The following CDH13 variants were observed in gnomAD, a reference collection of about 807,000 sequenced individuals.
CDH13 encodes the protein cadherin-13.
CDH13 carries 24 observed loss-of-function variants against 63.8 expected under a neutral mutation model. That is an observed-to-expected ratio of 0.38 (90% confidence interval 0.27 to 0.53). CDH13 has a LOEUF of 0.53. CDH13 is among the 20% of genes least tolerant of loss of function. The pLI, the probability that CDH13 is intolerant of heterozygous loss-of-function variation, is 0.85. For synonymous variants in CDH13, 503 were observed against 355.3 expected, an observed-to-expected ratio of 1.42 and a Z score of -4.67; for missense variants, 1,049 against 903.1, an observed-to-expected ratio of 1.16 and a Z score of -2.07.
intron 1 of CDH13, among the ~76,000 whole-genome samples, chr16:82,753,203 C>T (rs978597282): frequency 6.6e-6 from 1 of 152,138 alleles, no homozygotes; most frequent in African/African-American, 2.4e-5. Flanking sequence ...GGAGACAGGT[C>T]GTGGTACAGA....
intron 1 of CDH13, among the ~76,000 whole-genome samples, chr16:82,763,301 C>T (rs1321167496): frequency 1.3e-5 from 2 of 152,230 alleles, no homozygotes; most frequent in Non-Finnish European, 2.9e-5. Flanking sequence ...TTTGCTTTTT[C>T]TTCACAGCAC....
rs1198115608 is a variant in CDH13 at position 83,014,742 on chromosome 16, A to AT, written c.158-17268_158-17267insT. Among the ~76,000 whole-genome samples the AT allele has an allele frequency of 5.0e-3, 147 of 29,594 alleles. 2 individuals are homozygous for AT. The highest frequency in any genetic ancestry group is 7.9e-3 in the Non-Finnish European group (107 of 13,566). The allele number at this position is 29,594 out of a possible 152,430, so 19.4% of individuals were successfully genotyped here. On this transcript the variant is annotated intron_variant, in intron 2 of 13. Coordinates refer to ENST00000567109, the MANE Select transcript of CDH13 (RefSeq NM_001257.5). The stretch of plus-strand genomic sequence containing the variant: ...GGAGACTCCATCTAAAAAAAAAAAA[A>AT]AATATATATATATATATATATATAT...
chr16:83,769,672 TG>T, intron 11 of CDH13, among the ~76,000 whole-genome samples: 1 of 152,278 alleles, frequency 6.6e-6, no homozygotes, highest in South Asian at 2.1e-4. Flanking sequence ...AGTGGCCAAG[TG>T]GGCGTGTTTT....
At position 82,644,557 on chromosome 16, in the gene CDH13, G is replaced by C. The variant is rs1035159953; in HGVS notation, c.45+17420G>C. Among the ~76,000 whole-genome samples, 1 of 152,170 alleles carries C rather than the reference G, an allele frequency of 6.6e-6. No individual in the cohort carries two copies. The highest frequency in any genetic ancestry group is 6.5e-5 in the Admixed American group (1 of 15,276). Reference sequence around the variant, plus strand: ...TCCCCAGACCAGGCCCAGTGCACGAGTTTGGGTGCTGGAAGGGGAGGCTTT... The same window carrying C: ...TCCCCAGACCAGGCCCAGTGCACGACTTTGGGTGCTGGAAGGGGAGGCTTT... On this transcript the variant is annotated intron_variant, in intron 1 of 13. Transcript: ENST00000567109. The surrounding 1 kb of genome is among the most constrained non-coding windows in gnomAD (Gnocchi z 5.7).
intron 3 of CDH13, among the ~76,000 whole-genome samples, chr16:83,062,955 G>C (rs1288957828): frequency 7.1e-6 from 1 of 141,252 alleles, no homozygotes; most frequent in Admixed American, 7.1e-5. Flanking sequence ...CTTATGTGGT[G>C]GTTGGCATTT....
At chr16:83,214,579 C>CAAAAAAAAAAAAA (rs751124100) in intron 4 of CDH13, among the ~76,000 whole-genome samples, 1 of 39,792 alleles carries the variant, frequency 2.5e-5, no homozygotes, top group African/African-American at 8.8e-5. Context: ...GACTCTGTCT[C>CAAAAAAAAAAAAA]AAAAAAAAAA....
intron 2 of CDH13, among the ~76,000 whole-genome samples, chr16:82,863,116 G>T (rs539413726): frequency 1.3e-5 from 2 of 152,248 alleles, no homozygotes; most frequent in Admixed American, 6.5e-5. Context: ...TCTCTACAAA[G>T]ATCCTAACAA....
chr16:82,663,604 A>G (rs1307561170), intron 1 of CDH13, among the ~76,000 whole-genome samples: 2 of 152,178 alleles, frequency 1.3e-5, no homozygotes, highest in Non-Finnish European at 2.9e-5. Context: ...TTTGTCTAAA[A>G]AGTTCAAAAG....
chr16:82,851,080 G>T (rs1359864480), intron 1 of CDH13, among the ~76,000 whole-genome samples: 1 of 152,158 alleles, frequency 6.6e-6, no homozygotes, highest in Non-Finnish European at 1.5e-5. Flanking sequence ...AGTTTGAGGA[G>T]AATATGTTGG....
chr16:83,763,969 C>T (rs3784996), intron 11 of CDH13, among the ~76,000 whole-genome samples: 41,509 of 151,912 alleles, frequency 0.27, 6,013 homozygotes, highest in Non-Finnish European at 0.33. Flanking sequence ...CAATGATAGC[C>T]GAGAGACTTA....
At chr16:83,002,215 G>A (rs1209504480) in intron 2 of CDH13, among the ~76,000 whole-genome samples, 1 of 152,192 alleles carries the variant, frequency 6.6e-6, no homozygotes, top group African/African-American at 2.4e-5. Flanking sequence ...AGAGGAGCCT[G>A]GATTATCTGG....
chr16:83,091,540 G>C (rs1158858648), intron 3 of CDH13, among the ~76,000 whole-genome samples: 1 of 152,194 alleles, frequency 6.6e-6, no homozygotes, highest in Non-Finnish European at 1.5e-5. Flanking sequence ...GGAGGGTACT[G>C]AAATGAGCTC....
intron 1 of CDH13, among the ~76,000 whole-genome samples, chr16:82,741,805 T>C (rs1362559719): frequency 6.6e-6 from 1 of 152,194 alleles, no homozygotes; most frequent in Non-Finnish European, 1.5e-5. Flanking sequence ...AGACATAGTA[T>C]TGAAAAAAAC....
At chr16:83,218,598 G>T (rs527925029) in intron 5 of CDH13, among the ~76,000 whole-genome samples, 2 of 152,216 alleles carry the variant, frequency 1.3e-5, no homozygotes, top group African/African-American at 4.8e-5. Context: ...ACCAGCAGCA[G>T]ACTATGGATA....
intron 11 of CDH13, among the ~76,000 whole-genome samples, chr16:83,767,707 A>T (rs1914489221): frequency 6.6e-6 from 1 of 152,204 alleles, no homozygotes; most frequent in Non-Finnish European, 1.5e-5. Flanking sequence ...AACATGTACA[A>T]CCCTCAAAAA....
intron 3 of CDH13, among the ~76,000 whole-genome samples, chr16:83,065,731 A>G (rs150311138): frequency 0.44 from 41,847 of 95,396 alleles, 6,106 homozygotes; most frequent in East Asian, 0.64. Context: ...CAAAAAAACA[A>G]AAAAAAAAAA....
At chr16:82,656,918 CTTTT>C (rs200722234) in intron 1 of CDH13, among the ~76,000 whole-genome samples, 3 of 131,050 alleles carry the variant, frequency 2.3e-5, no homozygotes, top group African/African-American at 2.8e-5. Context: ...TTTGGTAGCT[CTTTT>C]TTTTTTTTTT....
chr16:83,094,110 G>C (rs1166385080), intron 3 of CDH13, among the ~76,000 whole-genome samples: 3 of 152,190 alleles, frequency 2.0e-5, no homozygotes, highest in African/African-American at 7.2e-5. Flanking sequence ...CCTCATTGTT[G>C]TAACAAATAG....
chr16:83,398,124 C>T (rs1408566679), intron 6 of CDH13: 2 of 129,420 alleles, frequency 1.5e-5, no homozygotes, highest in South Asian at 4.8e-4. Context: ...GTACTCATTG[C>T]TAGGCGTACT....
Sources: gnomAD v4.1 joint callset for allele counts (sites outside exome capture counted in the v4.1 genomes callset) on GRCh38, gnomAD v4.1.1 for gene constraint, Gnocchi (gnomAD v3.1) non-coding constraint, MANE v1.5 for transcripts, NCBI Gene and HGNC (gene_info 2026-07-23, HGNC 2026-07-21) for gene names.